XPO1: variants seen among roughly 807,000 people sequenced by gnomAD.
The protein encoded by XPO1 is exportin 1.
A neutral mutation model predicts 133.3 loss-of-function variants in XPO1; 5 were observed. That is an observed-to-expected ratio of 0.04 (90% CI 0.02 to 0.08). XPO1 has a LOEUF of 0.08. Ranked by LOEUF, XPO1 falls within the 10% of genes least tolerant of loss-of-function variation. The probability of loss-of-function intolerance (pLI) is 1.00; values close to 1 mark genes in which losing one functional copy is unlikely to be tolerated. For missense variants in XPO1, 506 were observed against 1,267.5 expected, an observed-to-expected ratio of 0.40 and a Z score of 9.12; for synonymous variants, 419 against 408.2, an observed-to-expected ratio of 1.03 and a Z score of -0.32.
chr2:61,513,363 CTTT>C (rs55865110), intron 4 of XPO1, among the ~76,000 whole-genome samples: 73,475 of 126,342 alleles, frequency 0.58, 20,480 homozygotes, highest in Middle Eastern at 0.65. Flanking sequence ...TACAGAATAT[CTTT>C]TTTTTTTTTT....
Position 61,526,537 on chromosome 2 carries a change from A to G in XPO1, c.127-16T>C, listed in dbSNP as rs959136284. The G allele has an allele frequency of 1.3e-6, 2 of 1,542,506 alleles. No individual in the cohort carries two copies. Among genetic ancestry groups the G allele is most frequent in the African/African-American group, 1.4e-5 (1 of 71,466 alleles). On this transcript the variant is annotated splice_polypyrimidine_tract_variant and intron_variant, in intron 2 of 24. Transcript: ENST00000401558. ...CCATTCTTTGCTAAAATATTATTAA[A>G]AAAAACAAAACTTAAGCTAATGTAT...
intron 10 of XPO1, among the ~76,000 whole-genome samples, 186 bp downstream of exon 10, chr2:61,496,693 C>T (rs1697257904): frequency 6.6e-6 from 1 of 152,148 alleles, no homozygotes; most frequent in Non-Finnish European, 1.5e-5. Flanking sequence ...CAACACACCC[C>T]AAACCTGAAT....
In XPO1 at chr2:61,533,750, A is replaced by C. The variant is rs781637613; in HGVS notation, c.126+22T>G. The stretch of plus-strand genomic sequence containing the variant: ...TCTGTTACACTGTCATAATGTTATA[A>C]AGTTTTGGTTGGCTACTTTACCTGG... On this transcript the variant is annotated intron_variant, in intron 2 of 24. Coordinates refer to ENST00000401558, the MANE Select transcript of XPO1 (RefSeq NM_003400.4). 3.2e-6 allele frequency: 5 copies of C among 1,562,636 alleles called. No individual in the cohort carries two copies. The South Asian group carries it at 6.1e-5, about 19-fold the overall frequency.
At chr2:61,499,630 T>C (rs1697407927) in intron 7 of XPO1, 83 bp downstream of exon 7, 1 of 1,325,772 alleles carries the variant, frequency 7.5e-7, no homozygotes, top group African/African-American at 1.5e-5. Flanking sequence ...CATAGTTCCT[T>C]AAAATATCTA....
chr2:61,532,686 T>C (rs867302969), intron 2 of XPO1, among the ~76,000 whole-genome samples: 1 of 149,498 alleles, frequency 6.7e-6, no homozygotes. Flanking sequence ...ATACAAAAAA[T>C]TAGCTGGGCA....
intron 20 of XPO1, chr2:61,485,314 C>T (rs1483433939): frequency 6.5e-6 from 1 of 153,530 alleles, no homozygotes; most frequent in African/African-American, 2.4e-5. Flanking sequence ...ATGCCCCGAC[C>T]TATGAGGTTT....
intron 4 of XPO1, among the ~76,000 whole-genome samples, chr2:61,510,714 A>C (rs1698047574): frequency 6.6e-6 from 1 of 152,112 alleles, no homozygotes. Flanking sequence ...GAGGCAGAGG[A>C]TCGCTTGAGC....
chr2:61,484,331 A>C (rs1696563109), intron 20 of XPO1: 2 of 462,882 alleles, frequency 4.3e-6, no homozygotes, highest in Non-Finnish European at 7.7e-6. Context: ...GGAGAAAGAC[A>C]ACCTTTTTAA....
At chr2:61,517,770 T>TA (rs1218852863) in intron 4 of XPO1, among the ~76,000 whole-genome samples, 168 of 149,288 alleles carry the variant, frequency 1.1e-3, no homozygotes, top group East Asian at 7.8e-3. Flanking sequence ...ACTCTATCTC[T>TA]AAAAAAAAAA....
At chr2:61,483,897 G>C (rs1226241883) in intron 21 of XPO1, 40 bp downstream of exon 21, 2 of 1,592,670 alleles carry the variant, frequency 1.3e-6, no homozygotes, top group African/African-American at 1.4e-5. Context: ...TGTATTTTTG[G>C]ATTGGCAGGC....
At chr2:61,484,370 A>G (rs1442999393) in intron 20 of XPO1, 6 of 361,354 alleles carry the variant, frequency 1.7e-5, no homozygotes, top group East Asian at 5.3e-5. Flanking sequence ...CATTATTACC[A>G]TAAGACTACT....
chr2:61,513,666 G>C (rs913734017), intron 4 of XPO1, among the ~76,000 whole-genome samples: 23 of 151,792 alleles, frequency 1.5e-4, no homozygotes, highest in African/African-American at 5.6e-4. Context: ...GCATGACAAA[G>C]ATTTCTTGAA....
At chr2:61,511,281 G>A (rs139582821) in intron 4 of XPO1, among the ~76,000 whole-genome samples, 33 of 152,128 alleles carry the variant, frequency 2.2e-4, no homozygotes, top group African/African-American at 7.5e-4. Context: ...GCGCCACCAC[G>A]CCCAGCTAAT....
chr2:61,526,157 G>A (rs1477271602), intron 3 of XPO1: 1 of 1,269,116 alleles, frequency 7.9e-7, no homozygotes, highest in Non-Finnish European at 9.9e-7. Context: ...ACTTAGACCT[G>A]TATACATATA....
At chr2:61,502,982 T>C (rs1697613014) in intron 4 of XPO1, among the ~76,000 whole-genome samples, 2 of 114,152 alleles carry the variant, frequency 1.8e-5, no homozygotes, top group South Asian at 5.7e-4. Context: ...TTTTTTTTTT[T>C]TGAGACGGAG....
intron 5 of XPO1, 34 bp downstream of exon 5, chr2:61,502,215 T>G: frequency 6.2e-7 from 1 of 1,600,518 alleles, no homozygotes; most frequent in Non-Finnish European, 8.5e-7. Context: ...AATGATTTTA[T>G]GCTCTCCCAA....
chr2:61,526,649 T>C, intron 2 of XPO1, 128 bp from the exon 3 acceptor site: 1 of 651,310 alleles, frequency 1.5e-6, no homozygotes, highest in Non-Finnish European at 2.3e-6. Flanking sequence ...TGTTCAGAAA[T>C]ACTCAAAAAT....
Position 61,481,167 on chromosome 2 carries a change from G to T in XPO1, c.3069+18C>A. On this transcript the variant is annotated intron_variant, in intron 24 of 24. Coordinates refer to ENST00000401558, the MANE Select transcript of XPO1 (RefSeq NM_003400.4). The stretch of plus-strand genomic sequence containing the variant: ...ACATCTACCCCTAATATTTCTGCAA[G>T]AGCAAATAAATACATACCTTTATTT... 1 of 1,551,058 alleles carries T rather than the reference G, an allele frequency of 6.4e-7. No homozygotes were observed. Among genetic ancestry groups the T allele is most frequent in the South Asian group, 1.2e-5 (1 of 85,110 alleles).
chr2:61,478,329 C>G lies in XPO1; in HGVS notation c.*491G>C, dbSNP rs914931177. The G allele has an allele frequency of 4.3e-6, 1 of 234,968 alleles. No individual in the cohort carries two copies. Among genetic ancestry groups the G allele is most frequent in the African/African-American group, 2.2e-5 (1 of 45,354 alleles). The allele number at this position is 234,968 out of a possible 1,614,324, so 14.6% of individuals were successfully genotyped here. A position where few individuals can be genotyped will look rare whatever the true frequency, so the allele number is the denominator to read the frequency against. On this transcript the variant is annotated 3_prime_UTR_variant, in exon 25 of 25. Coordinates refer to ENST00000401558, the MANE Select transcript of XPO1 (RefSeq NM_003400.4). ...GACTTTGTAATACATGTAGTCTAGA[C>G]AAACGATTCAGTCCAAGAGGTGCTA...
Sources: gnomAD v4.1 joint callset for allele counts (sites outside exome capture counted in the v4.1 genomes callset) on GRCh38, gnomAD v4.1.1 for gene constraint, MANE v1.5 for transcripts, NCBI Gene and HGNC (gene_info 2026-07-23, HGNC 2026-07-21) for gene names.